Variants in WDPCP observed in about 807,000 individuals in gnomAD.
WDPCP encodes the protein WD repeat containing planar cell polarity effector.
A neutral mutation model predicts 93.1 loss-of-function variants in WDPCP; 71 were observed. The ratio of observed to expected loss-of-function variants is 0.76; its 90% CI spans 0.63 to 0.93. The LOEUF (loss-of-function observed/expected upper bound fraction) is 0.93. WDPCP is among the 40% of genes least tolerant of loss of function. The pLI is 0.00. For missense variants in WDPCP, 844 were observed against 887.4 expected (o/e 0.95, Z 0.62); for synonymous variants, 315 against 315.0 (o/e 1.00, Z 0.00).
In WDPCP at chr2:63,123,785, C is replaced by A. The variant is rs545038904; in HGVS notation, c.2191-1729G>T. On this transcript the variant is annotated intron_variant, in intron 17 of 17. Coordinates refer to ENST00000272321, the MANE Select transcript of WDPCP (RefSeq NM_015910.7). ...TTTACCCATAGTCCTACTAGTTATA[C>A]AAAACTAAAGTTAACATGAATTTGC... Among the ~76,000 whole-genome samples, 3 of 151,832 alleles carry A rather than the reference C, an allele frequency of 2.0e-5. No homozygotes were observed. In the South Asian group the frequency reaches 6.2e-4, roughly 31 times the overall value.
intron 2 of WDPCP, among the ~76,000 whole-genome samples, chr2:63,794,739 G>T (rs1331954672): frequency 2.0e-5 from 3 of 152,182 alleles, no homozygotes; most frequent in Non-Finnish European, 4.4e-5. Flanking sequence ...TGGGTTTTCG[G>T]TTACTTGCAG....
At chr2:63,601,832 T>C (rs781229599) in intron 3 of WDPCP, among the ~76,000 whole-genome samples, 56 of 152,244 alleles carry the variant, frequency 3.7e-4, no homozygotes, top group Non-Finnish European at 6.5e-4. Context: ...CCTGGTAATA[T>C]ATATCTTGAG....
At chr2:63,389,703 T>A (rs1693057778) in intron 10 of WDPCP, among the ~76,000 whole-genome samples, 1 of 151,938 alleles carries the variant, frequency 6.6e-6, no homozygotes, top group African/African-American at 2.4e-5. Context: ...TGGAAGAAGA[T>A]CTACCAAGCA....
At chr2:63,556,006 T>G (rs916968430) in intron 1 of WDPCP, among the ~76,000 whole-genome samples, 1 of 152,188 alleles carries the variant, frequency 6.6e-6, no homozygotes, top group Non-Finnish European at 1.5e-5. Context: ...GATGGATGAA[T>G]TGACAGAAGT....
chr2:63,717,934 C>T (rs1669361644), intron 2 of WDPCP: 1 of 152,240 alleles, frequency 6.6e-6, no homozygotes, highest in Non-Finnish European at 1.5e-5. Context: ...GGGAAACTGA[C>T]TACCAGAAAG....
intron 1 of WDPCP, among the ~76,000 whole-genome samples, chr2:63,543,359 T>C (rs1029283904): frequency 6.6e-6 from 1 of 152,146 alleles, no homozygotes; most frequent in Admixed American, 6.5e-5. Context: ...TGCTTTGAAA[T>C]GATAAGACAG....
rs73934751 is a variant in WDPCP, at chr2:63,675,365, C to G, written n.309-24527G>C. Among the ~76,000 whole-genome samples the G allele has an allele frequency of 6.0e-3, 920 of 152,290 alleles. 13 individuals carry two copies. Among genetic ancestry groups the G allele is most frequent in the African/African-American group, 0.021 (856 of 41,558 alleles). ...GCTCTCTGGGTGTTTCTATCATACT[C>G]TCTCCATCTGGGCTTTATTTAAGTC... On this transcript the variant is annotated intron_variant and non_coding_transcript_variant, in intron 2 of 4. Transcript: ENST00000467687.
At chr2:63,557,407 C>G (rs1394625770) in intron 1 of WDPCP, among the ~76,000 whole-genome samples, 1 of 152,072 alleles carries the variant, frequency 6.6e-6, no homozygotes, top group African/African-American at 2.4e-5. Context: ...CCAAAAAAGA[C>G]AAAGAAGGGG....
chr2:63,832,617 C>T (rs1486304371), upstream of WDPCP, among the ~76,000 whole-genome samples: 2 of 152,178 alleles, frequency 1.3e-5, no homozygotes, highest in Non-Finnish European at 2.9e-5. Flanking sequence ...CCATCCAAAA[C>T]ATGTTTCCAA....
chr2:63,237,577 T>C (rs1453569952), intron 14 of WDPCP, among the ~76,000 whole-genome samples: 1 of 152,110 alleles, frequency 6.6e-6, no homozygotes, highest in Admixed American at 6.6e-5. Context: ...ACAACCTTAG[T>C]GCCCATAATG....
rs1003279852 is a variant in WDPCP at position 63,153,489 on chromosome 2, C to G, written c.2158+6G>C. 6.2e-6 allele frequency: 10 copies of G among 1,607,200 alleles called. No individual in the cohort carries two copies. Among genetic ancestry groups the G allele is most frequent in the Non-Finnish European group, 8.5e-6 (10 of 1,174,488 alleles). ...TTGAATACTTGGGTGTCTTGAATAC[C>G]ATTACCTTCTGCATTACAGGTATTA... On this transcript the variant is annotated splice_donor_region_variant and intron_variant, in intron 16 of 17. Transcript: ENST00000272321.
intron 14 of WDPCP, among the ~76,000 whole-genome samples, chr2:63,197,661 G>A (rs1253760857): frequency 6.6e-6 from 1 of 152,132 alleles, no homozygotes; most frequent in Non-Finnish European, 1.5e-5. Context: ...ATTTATTATG[G>A]AAATTTCAAC....
intron 3 of WDPCP, among the ~76,000 whole-genome samples, chr2:63,605,657 A>C (rs1326349796): frequency 6.6e-6 from 1 of 152,224 alleles, no homozygotes. Flanking sequence ...AATGCCTGAT[A>C]CATAGTAGGG....
chr2:63,266,131 A>G (rs1682094807), intron 13 of WDPCP, among the ~76,000 whole-genome samples: 1 of 152,234 alleles, frequency 6.6e-6, no homozygotes, highest in Non-Finnish European at 1.5e-5. Context: ...ACTTCTATTC[A>G]ACACAGCACT....
intron 1 of WDPCP, among the ~76,000 whole-genome samples, chr2:63,571,904 C>T (rs747668206): frequency 6.6e-5 from 10 of 152,160 alleles, no homozygotes; most frequent in Non-Finnish European, 1.0e-4. Context: ...TACTCTCTCC[C>T]ATGTAAACTT....
chr2:63,753,031 G>C (rs1489796159), intron 2 of WDPCP, among the ~76,000 whole-genome samples: 1 of 152,014 alleles, frequency 6.6e-6, no homozygotes, highest in Non-Finnish European at 1.5e-5. Flanking sequence ...TTGTTTTTCT[G>C]TTTTTAAGTC....
At chr2:63,590,193 T>C (rs941965087), upstream of WDPCP, 1 of 152,224 alleles carries the variant, frequency 6.6e-6, no homozygotes, top group Non-Finnish European at 1.5e-5. Context: ...GCAGAGGTAC[T>C]TATTATCTGA....
intron 14 of WDPCP, chr2:63,233,608 GA>G (rs902371048): frequency 1.3e-5 from 2 of 155,080 alleles, no homozygotes; most frequent in Non-Finnish European, 2.9e-5. Flanking sequence ...CCAATTCAAG[GA>G]AACGATCAGT....
At chr2:63,312,951 A>G (rs1467268026) in intron 13 of WDPCP, among the ~76,000 whole-genome samples, 1 of 152,008 alleles carries the variant, frequency 6.6e-6, no homozygotes, top group East Asian at 1.9e-4. Context: ...AGCTTACTAG[A>G]TAGATAGGTG....
Sources: gnomAD v4.1 joint callset for allele counts (sites outside exome capture counted in the v4.1 genomes callset) on GRCh38, gnomAD v4.1.1 for gene constraint, MANE v1.5 for transcripts, NCBI Gene and HGNC (gene_info 2026-07-23, HGNC 2026-07-21) for gene names.